PABIR3: variants seen among roughly 807,000 people sequenced by gnomAD.
The protein encoded by PABIR3 is PABIR family member 1.
Under a neutral mutation model 23.1 loss-of-function variants are expected in PABIR3, and 20 were observed. The ratio of observed to expected loss-of-function variants is 0.86; its 90% CI spans 0.61 to 1.26. PABIR3 has a LOEUF of 1.26. Ranked by LOEUF, PABIR3 falls within the 50% of genes most tolerant of loss-of-function variation. PABIR3 has a pLI of 0.00. For synonymous variants in PABIR3, 69 were observed against 68.5 expected (o/e 1.01, Z -0.04); for missense variants, 189 against 195.4 (o/e 0.97, Z 0.20).
intron 3 of PABIR3, among the ~76,000 whole-genome samples, chrX:134,819,061 T>C (rs1467694846): frequency 1.9e-5 from 2 of 106,450 alleles, no homozygotes; most frequent in Non-Finnish European, 3.9e-5. Context: ...CTCAGCCTCC[T>C]GAGTAGCTGG....
At chrX:134,849,125 TA>T (rs908355267) in intron 8 of PABIR3, 41 bp from the exon 9 acceptor site, 124 of 741,885 alleles carry the variant, frequency 1.7e-4, no homozygotes, top group Non-Finnish European at 1.9e-4. Context: ...TTGATTTTGT[TA>T]AAAAAAATTT....
Position 134,801,229 on chromosome X carries a change from T to C in PABIR3, c.-97-2872T>C, listed in dbSNP as rs758758434. ...CATTTTCTTTTCATGGTGCACTCAA[T>C]TCCAATAGTGACTCAATCTAAATAA... On this transcript the variant is annotated intron_variant, in intron 1 of 4. Transcript: ENST00000414371. 3.6e-5 allele frequency among the ~76,000 whole-genome samples: 4 copies of C among 112,563 alleles called. No homozygotes were observed. The South Asian group carries it at 1.5e-3, about 41-fold the overall frequency.
At chrX:134,861,975 G>A in the PABIR3 span, among the ~76,000 whole-genome samples, 1 of 110,404 alleles carries the variant, frequency 9.1e-6, no homozygotes, top group African/African-American at 3.3e-5. Flanking sequence ...GAAACATTGG[G>A]TTAAAATAGA....
At chrX:134,861,531 G>A in the PABIR3 span, among the ~76,000 whole-genome samples, 80 of 106,566 alleles carry the variant, frequency 7.5e-4, 1 homozygote, top group Non-Finnish European at 1.3e-3. Context: ...ATAATTAGCC[G>A]GGCGCAGTGG....
intron 4 of PABIR3, among the ~76,000 whole-genome samples, chrX:134,837,989 A>G (rs2082025448): frequency 9.0e-6 from 1 of 111,550 alleles, no homozygotes; most frequent in Admixed American, 9.6e-5. Flanking sequence ...ACCTTTTCCA[A>G]TTCCCTCATT....
intron 8 of PABIR3, among the ~76,000 whole-genome samples, chrX:134,848,247 G>C (rs758658701): frequency 9.1e-6 from 1 of 110,025 alleles, no homozygotes; most frequent in African/African-American, 3.3e-5. Context: ...AAAAATAGCC[G>C]GGCATGGTGG....
chrX:134,825,988 A>T (rs1456398696), intron 3 of PABIR3, among the ~76,000 whole-genome samples: 1 of 108,895 alleles, frequency 9.2e-6, no homozygotes, highest in African/African-American at 3.3e-5. Context: ...ACATGTTTAT[A>T]CCCATTCTCT....
chrX:134,842,128 C>A (rs146580491), intron 4 of PABIR3, among the ~76,000 whole-genome samples: 46 of 111,969 alleles, frequency 4.1e-4, no homozygotes, highest in Middle Eastern at 4.6e-3. Flanking sequence ...TGTATGTATT[C>A]TTTGGAGAAA....
intron 2 of PABIR3, chrX:134,809,782 C>T: frequency 8.0e-6 from 6 of 750,399 alleles, no homozygotes; most frequent in South Asian, 1.4e-4. Context: ...GACTCCTAAA[C>T]TACTGTTCTG....
downstream of PABIR3, among the ~76,000 whole-genome samples, chrX:134,857,781 T>C (rs189112933): frequency 9.0e-6 from 1 of 111,536 alleles, no homozygotes; most frequent in Admixed American, 9.6e-5. Context: ...GAAAACTCAC[T>C]GTAGTAATGA....
intron 2 of PABIR3, among the ~76,000 whole-genome samples, chrX:134,812,765 A>G (rs1052700697): frequency 9.0e-6 from 1 of 110,726 alleles, no homozygotes; most frequent in African/African-American, 3.3e-5. Context: ...AAAGAGGGGG[A>G]ACAATGGTTG....
intron 2 of PABIR3, chrX:134,810,781 A>G: frequency 1.3e-6 from 1 of 753,573 alleles, no homozygotes; most frequent in Non-Finnish European, 1.6e-6. Flanking sequence ...TTCTTTTCAG[A>G]AAGGTGAAAG....
At chrX:134,800,417 C>T (rs932423282) in intron 1 of PABIR3, among the ~76,000 whole-genome samples, 3 of 109,985 alleles carry the variant, frequency 2.7e-5, no homozygotes, top group Non-Finnish European at 5.7e-5. Flanking sequence ...TGAGAGATCA[C>T]GCCACTGCAC....
At chrX:134,861,111 T>A in the PABIR3 span, among the ~76,000 whole-genome samples, 1 of 110,345 alleles carries the variant, frequency 9.1e-6, no homozygotes, top group African/African-American at 3.3e-5. Flanking sequence ...CCTTTCTCTA[T>A]TAAAAATACA....
chrX:134,812,154 G>C (rs1225865406), intron 2 of PABIR3, among the ~76,000 whole-genome samples: 2 of 112,365 alleles, frequency 1.8e-5, no homozygotes, highest in African/African-American at 3.2e-5. Context: ...ACTTAGTTCA[G>C]ATATCAGCTA....
At chrX:134,802,000 G>A (rs936997164) in intron 1 of PABIR3, among the ~76,000 whole-genome samples, 6 of 109,572 alleles carry the variant, frequency 5.5e-5, no homozygotes, top group African/African-American at 2.0e-4. Flanking sequence ...CTGCAGACAC[G>A]AACCACACTC....
chrX:134,801,806 G>A (rs2080070519), intron 1 of PABIR3, among the ~76,000 whole-genome samples: 1 of 109,765 alleles, frequency 9.1e-6, no homozygotes, highest in Non-Finnish European at 1.9e-5. Flanking sequence ...ACTGATTTGA[G>A]GTTTTCTGCA....
chrX:134,818,943 T>G (rs1421840828), intron 3 of PABIR3, among the ~76,000 whole-genome samples: 2 of 101,716 alleles, frequency 2.0e-5, no homozygotes, highest in East Asian at 5.9e-4. Flanking sequence ...TCTTTTTTTT[T>G]TTTTTTTTTT....
At chrX:134,852,303 C>T (rs1292589772) in intron 9 of PABIR3, among the ~76,000 whole-genome samples, 2 of 110,409 alleles carry the variant, frequency 1.8e-5, no homozygotes, top group Non-Finnish European at 3.8e-5. Context: ...GGTGAAACCC[C>T]GTCTCTACTA....
Sources: gnomAD v4.1 joint callset for allele counts (sites outside exome capture counted in the v4.1 genomes callset) on GRCh38, gnomAD v4.1.1 for gene constraint, MANE v1.5 for transcripts, NCBI Gene and HGNC (gene_info 2026-07-23, HGNC 2026-07-21) for gene names.